The following GPR158 variants were observed in gnomAD, a reference collection of about 807,000 sequenced individuals.
The protein encoded by GPR158 is G protein-coupled receptor 158.
In GPR158, 30 loss-of-function variants were observed where a neutral mutation model predicts 78.2. The observed-to-expected ratio is 0.38, with a 90% confidence interval of 0.29 to 0.52. The LOEUF is 0.52. Ranked by LOEUF, GPR158 falls within the 20% of genes least tolerant of loss-of-function variation. The pLI is 0.83. For missense variants in GPR158, 1,463 were observed against 1,523.5 expected, an observed-to-expected ratio of 0.96 and a Z score of 0.66; for synonymous variants, 581 against 591.1, an observed-to-expected ratio of 0.98 and a Z score of 0.25.
At chr10:25,531,123 T>C (rs1161677070) in intron 5 of GPR158, among the ~76,000 whole-genome samples, 1 of 152,220 alleles carries the variant, frequency 6.6e-6, no homozygotes, top group East Asian at 1.9e-4. Flanking sequence ...TCTTGAACAA[T>C]TCTTTTTTTG....
At chr10:25,190,801 G>T in intron 1 of GPR158, among the ~76,000 whole-genome samples, 1 of 152,040 alleles carries the variant, frequency 6.6e-6, no homozygotes, top group Non-Finnish European at 1.5e-5. Context: ...AATTACCTTA[G>T]CACAAACTGA....
chr10:25,273,033 G>A (rs572091142), intron 2 of GPR158, among the ~76,000 whole-genome samples: 2 of 152,236 alleles, frequency 1.3e-5, no homozygotes, highest in East Asian at 1.9e-4. Context: ...CAATTAGTTC[G>A]TGGCACCTGG....
intron 4 of GPR158, among the ~76,000 whole-genome samples, chr10:25,452,017 T>TTTTGG (rs142615047): frequency 0.33 from 49,894 of 151,146 alleles, 9,920 homozygotes; most frequent in Middle Eastern, 0.46. Flanking sequence ...TTTTGTTTTG[T>TTTTGG]TTTGGTTTGG....
At chr10:25,309,103 T>C (rs1276061521) in intron 2 of GPR158, among the ~76,000 whole-genome samples, 1 of 152,210 alleles carries the variant, frequency 6.6e-6, no homozygotes, top group African/African-American at 2.4e-5. Context: ...ATGGTAAGCC[T>C]ATTTTTAGGC....
intron 4 of GPR158, among the ~76,000 whole-genome samples, chr10:25,425,619 G>A (rs1355333693): frequency 6.6e-6 from 1 of 152,072 alleles, no homozygotes; most frequent in Non-Finnish European, 1.5e-5. Flanking sequence ...GGCCCATGGA[G>A]TGGGAGAAAA....
intron 5 of GPR158, among the ~76,000 whole-genome samples, chr10:25,491,533 A>G (rs1015997353): frequency 3.9e-5 from 6 of 152,214 alleles, no homozygotes; most frequent in Non-Finnish European, 7.3e-5. Flanking sequence ...ACTAATAACT[A>G]TCTTCAAATA....
At chr10:25,372,687 A>G (rs1834015194) in intron 2 of GPR158, among the ~76,000 whole-genome samples, 2 of 113,506 alleles carry the variant, frequency 1.8e-5, no homozygotes, top group Non-Finnish European at 3.4e-5. Context: ...GAAGGAGAAC[A>G]TCACACTCTG....
chr10:25,349,928 C>T (rs1366502738), intron 2 of GPR158, among the ~76,000 whole-genome samples: 1 of 151,954 alleles, frequency 6.6e-6, no homozygotes, highest in African/African-American at 2.4e-5. Context: ...TACTTGACAG[C>T]TTCATCTGGA....
At chr10:25,384,645 T>C (rs565612252) in intron 2 of GPR158, among the ~76,000 whole-genome samples, 2 of 152,310 alleles carry the variant, frequency 1.3e-5, no homozygotes, top group South Asian at 4.1e-4. Context: ...TCAGTCCAAG[T>C]TAGTTTTTTT....
chr10:25,574,579 A>G (rs1837061491), intron 7 of GPR158, among the ~76,000 whole-genome samples: 1 of 152,206 alleles, frequency 6.6e-6, no homozygotes, highest in African/African-American at 2.4e-5. Flanking sequence ...GGTGTAAAGA[A>G]CATTCATTTT....
At chr10:25,373,681 C>A (rs1834036624) in intron 2 of GPR158, among the ~76,000 whole-genome samples, 1 of 151,792 alleles carries the variant, frequency 6.6e-6, no homozygotes, top group East Asian at 1.9e-4. Flanking sequence ...AGTTTTTTGA[C>A]CCAAGGTAAT....
At chr10:25,448,625 T>C (rs2130598197) in intron 4 of GPR158, among the ~76,000 whole-genome samples, 1 of 152,328 alleles carries the variant, frequency 6.6e-6, no homozygotes, top group Middle Eastern at 3.4e-3. Context: ...TTTAGGTGAA[T>C]ACCTAGGAGT....
chr10:25,575,911 GTAACACCACAA>G (rs1837087510), intron 7 of GPR158, among the ~76,000 whole-genome samples: 1 of 151,796 alleles, frequency 6.6e-6, no homozygotes, highest in African/African-American at 2.4e-5. Context: ...ATTATCTAAG[GTAACACCACAA>G]CCTGTGCCAG....
chr10:25,516,264 A>T (rs1836171481), intron 5 of GPR158, among the ~76,000 whole-genome samples: 1 of 147,398 alleles, frequency 6.8e-6, no homozygotes, highest in Non-Finnish European at 1.5e-5. Context: ...TAGATTCTGG[A>T]TATTAGCCCT....
At chr10:25,570,780 G>A (rs572657638) in intron 6 of GPR158, among the ~76,000 whole-genome samples, 1 of 152,232 alleles carries the variant, frequency 6.6e-6, no homozygotes, top group South Asian at 2.1e-4. Context: ...AGCCAGGCAT[G>A]GTGGCACATG....
chr10:25,594,191 CTTATT>C (rs1837373423), intron 8 of GPR158, 96 bp from the exon 9 acceptor site: 1 of 681,014 alleles, frequency 1.5e-6, no homozygotes, highest in Non-Finnish European at 2.6e-6. Context: ...TTTCCTTTTT[CTTATT>C]TTAATACAAT....
chr10:25,426,773 C>T (rs532985576), intron 4 of GPR158, among the ~76,000 whole-genome samples: 11 of 149,034 alleles, frequency 7.4e-5, no homozygotes, highest in East Asian at 1.9e-4. Context: ...GACACAGAGA[C>T]GAGAAGTGAG....
intron 1 of GPR158, among the ~76,000 whole-genome samples, chr10:25,218,226 A>C (rs1468391794): frequency 1.3e-5 from 2 of 151,984 alleles, no homozygotes; most frequent in Non-Finnish European, 2.9e-5. Flanking sequence ...TGTAATGAAG[A>C]AGCCTCGTTG....
chr10:25,575,821 G>T (rs16926121), intron 7 of GPR158, among the ~76,000 whole-genome samples: 1 of 150,724 alleles, frequency 6.6e-6, no homozygotes, highest in Non-Finnish European at 1.5e-5. Context: ...GAGCCATAAC[G>T]TAGAAATGTC....
Sources: allele counts gnomAD v4.1 joint callset (sites outside exome capture counted in the v4.1 genomes callset), GRCh38; gene constraint gnomAD v4.1.1; transcripts MANE v1.5; gene names NCBI Gene and HGNC (gene_info 2026-07-23, HGNC 2026-07-21).